Variants in TGFBR2 observed in about 807,000 individuals in gnomAD.
TGFBR2 encodes the protein transforming growth factor beta receptor 2.
In TGFBR2, 18 loss-of-function variants were observed where a neutral mutation model predicts 49.0. The ratio of observed to expected loss-of-function variants is 0.37; its 90% CI spans 0.25 to 0.54. The LOEUF (loss-of-function observed/expected upper bound fraction) is 0.54. Among genes scored for constraint, TGFBR2 ranks in the 20% least tolerant of loss-of-function variants. TGFBR2 has a pLI of 0.85. For missense variants in TGFBR2, 525 were observed against 722.6 expected, an observed-to-expected ratio of 0.73 and a Z score of 3.13; for synonymous variants, 282 against 275.9, an observed-to-expected ratio of 1.02 and a Z score of -0.22.
At chr3:30,653,797 G>T (rs1698944866) in intron 3 of TGFBR2, among the ~76,000 whole-genome samples, 1 of 152,180 alleles carries the variant, frequency 6.6e-6, no homozygotes, top group African/African-American at 2.4e-5. Context: ...ATTAATGATA[G>T]TTAATATTCA....
At chr3:30,686,214 A>T (rs1699619651) in intron 5 of TGFBR2, among the ~76,000 whole-genome samples, 2 of 152,240 alleles carry the variant, frequency 1.3e-5, no homozygotes, top group South Asian at 4.1e-4. Flanking sequence ...GGCACTGAGC[A>T]GATAAGTGAA....
chr3:30,671,562 A>C, intron 3 of TGFBR2, 76 bp from the exon 4 acceptor site: 1 of 1,427,148 alleles, frequency 7.0e-7, no homozygotes, highest in Non-Finnish European at 9.9e-7. Flanking sequence ...ATAGATGCTC[A>C]GGCATGAACC....
At chr3:30,674,510 A>G (rs1575159126) in intron 5 of TGFBR2, among the ~76,000 whole-genome samples, 1 of 152,188 alleles carries the variant, frequency 6.6e-6, no homozygotes, top group Non-Finnish European at 1.5e-5. Context: ...ATCTCTTCAC[A>G]GTTATTTAAA....
chr3:30,693,700 C>T lies in TGFBR2; in HGVS notation c.*2101C>T, dbSNP rs961784109. On this transcript the variant is annotated 3_prime_UTR_variant, in exon 7 of 7. Transcript: ENST00000295754. Reference sequence around the variant, plus strand: ...CTGATACCATCCCAATAGCTGTTGCCCATTGACCTCTAGTGGTGAGTTTCT... The same window carrying T: ...CTGATACCATCCCAATAGCTGTTGCTCATTGACCTCTAGTGGTGAGTTTCT... 2.6e-5 allele frequency: 6 copies of T among 233,480 alleles called. No homozygotes were observed. The highest frequency in any genetic ancestry group is 5.1e-5 in the Non-Finnish European group (6 of 117,962). 14.5% of individuals were successfully genotyped at this position (233,480 alleles called of 1,614,324 possible).
chr3:30,691,327 T>A, intron 6 of TGFBR2, 93 bp from the exon 7 acceptor site: 1 of 1,416,482 alleles, frequency 7.1e-7, no homozygotes, highest in South Asian at 1.2e-5. Context: ...GGACCCTGCT[T>A]GCACTCACTA....
At chr3:30,624,399 C>T (rs578111369) in intron 1 of TGFBR2, among the ~76,000 whole-genome samples, 1 of 151,904 alleles carries the variant, frequency 6.6e-6, no homozygotes, top group Non-Finnish European at 1.5e-5. Context: ...GGGCAGATCA[C>T]GAGGTTAAGA....
chr3:30,688,648 A>G lies in TGFBR2; in HGVS notation c.1524+137A>G. ...TATGGCCCTGTTAAATTTTGTTTAT[A>G]AAGCAAATTTCAATACAGTGGATAA... is the stretch of plus-strand genomic sequence containing the variant. On this transcript the variant is annotated intron_variant, in intron 6 of 6. Coordinates refer to ENST00000295754, the MANE Select transcript of TGFBR2 (RefSeq NM_003242.6). 3 of 1,288,910 alleles carry G rather than the reference A, an allele frequency of 2.3e-6. 1 individual carries two copies. The South Asian group carries it at 3.8e-5, about 16-fold the overall frequency. The allele number at this position is 1,288,910 out of a possible 1,614,324, so 79.8% of individuals were successfully genotyped here. A position where few individuals can be genotyped will look rare whatever the true frequency, so the allele number is the denominator to read the frequency against.
intron 1 of TGFBR2, among the ~76,000 whole-genome samples, chr3:30,641,882 C>A (rs1413000299): frequency 6.6e-6 from 1 of 151,926 alleles, no homozygotes; most frequent in Non-Finnish European, 1.5e-5. Context: ...CTCTCCTCCC[C>A]CTCCCTCCTT....
intron 3 of TGFBR2, among the ~76,000 whole-genome samples, chr3:30,669,121 C>CAAAAAAAAAAAAAAAAAAAAAAAAAAA (rs56069409): frequency 3.6e-5 from 3 of 83,464 alleles, no homozygotes; most frequent in Admixed American, 1.5e-4. Context: ...ACTAAAAATA[C>CAAAAAAAAAAAAAAAAAAAAAAAAAAA]AAAAAAAAAA....
At chr3:30,622,879 CAAAAAAAAAA>C (rs10575244) in intron 1 of TGFBR2, among the ~76,000 whole-genome samples, 51 of 75,650 alleles carry the variant, frequency 6.7e-4, no homozygotes, top group Admixed American at 1.4e-3. Context: ...GACTTTGTCT[CAAAAAAAAAA>C]AAAAAAAAAA....
intron 1 of TGFBR2, among the ~76,000 whole-genome samples, chr3:30,628,933 G>C (rs5020833): frequency 0.29 from 44,526 of 151,938 alleles, 7,113 homozygotes; most frequent in East Asian, 0.57. Flanking sequence ...CATTTAATAC[G>C]AGACTCATTC....
At chr3:30,608,216 C>T (rs1163853934) in intron 1 of TGFBR2, among the ~76,000 whole-genome samples, 2 of 152,084 alleles carry the variant, frequency 1.3e-5, no homozygotes. Context: ...GGATTACAGG[C>T]GTGAGCCACC....
chr3:30,679,441 A>G (rs548040134), intron 5 of TGFBR2, among the ~76,000 whole-genome samples: 2 of 152,298 alleles, frequency 1.3e-5, no homozygotes, highest in East Asian at 3.9e-4. Flanking sequence ...TAAACAGATG[A>G]TAATAGAGCT....
intron 3 of TGFBR2, among the ~76,000 whole-genome samples, chr3:30,663,286 T>C (rs900072231): frequency 3.9e-5 from 3 of 77,040 alleles, no homozygotes; most frequent in African/African-American, 1.5e-4. Context: ...TTCTTCAAGG[T>C]TAATGGGTCT....
intron 3 of TGFBR2, among the ~76,000 whole-genome samples, chr3:30,659,767 C>T (rs1559462516): frequency 1.3e-5 from 2 of 151,690 alleles, no homozygotes; most frequent in South Asian, 4.2e-4. Flanking sequence ...CCTCTGCAGC[C>T]TCAGGTCTCT....
chr3:30,651,945 C>A (rs978386585), intron 3 of TGFBR2, among the ~76,000 whole-genome samples: 4 of 152,220 alleles, frequency 2.6e-5, no homozygotes, highest in Non-Finnish European at 5.9e-5. Context: ...TGGCTCTACA[C>A]CCTATCTCTG....
chr3:30,652,232 G>GTTTTTT (rs11386584), intron 3 of TGFBR2, among the ~76,000 whole-genome samples: 100 of 97,002 alleles, frequency 1.0e-3, no homozygotes, highest in African/African-American at 2.1e-3. Context: ...TTTTCTGGTT[G>GTTTTTT]TTTTTTTTTT....
intron 3 of TGFBR2, among the ~76,000 whole-genome samples, chr3:30,663,431 G>C (rs1450774128): frequency 6.6e-6 from 1 of 152,100 alleles, no homozygotes; most frequent in Admixed American, 6.6e-5. Context: ...CTTTATAAAG[G>C]CACTTTGTAG....
chr3:30,637,867 A>G (rs1250473105), intron 1 of TGFBR2, among the ~76,000 whole-genome samples: 2 of 152,230 alleles, frequency 1.3e-5, no homozygotes, highest in African/African-American at 2.4e-5. Flanking sequence ...CGAAAGTGCG[A>G]GGCAAAAGGC....
Sources: allele counts gnomAD v4.1 joint callset (sites outside exome capture counted in the v4.1 genomes callset), GRCh38; gene constraint gnomAD v4.1.1; transcripts MANE v1.5; gene names NCBI Gene and HGNC (gene_info 2026-07-23, HGNC 2026-07-21).